BRINP3: variants seen among roughly 807,000 people sequenced by gnomAD.
BRINP3 encodes BMP/retinoic acid-inducible neural-specific protein 3.
BRINP3 carries 19 observed loss-of-function variants against 71.0 expected under a neutral mutation model. The ratio of observed to expected loss-of-function variants is 0.27; its 90% CI spans 0.19 to 0.39. BRINP3 has a LOEUF of 0.39. Among genes scored for constraint, BRINP3 ranks in the 10% least tolerant of loss-of-function variants. BRINP3 has a pLI of 1.00. For missense variants in BRINP3, 959 were observed against 940.8 expected, an observed-to-expected ratio of 1.02 and a Z score of -0.25; for synonymous variants, 380 against 337.7, an observed-to-expected ratio of 1.13 and a Z score of -1.37.
At chr1:190,457,846 C>T (rs563077297) in intron 1 of BRINP3, among the ~76,000 whole-genome samples, 1 of 151,700 alleles carries the variant, frequency 6.6e-6, no homozygotes. Context: ...AGGTGAATTA[C>T]CCAGAACCAC....
chr1:190,202,804 TCCCCAGCCATG>T (rs1655123305), intron 6 of BRINP3, among the ~76,000 whole-genome samples: 2 of 152,102 alleles, frequency 1.3e-5, no homozygotes, highest in Non-Finnish European at 2.9e-5. Flanking sequence ...TTGTGAGGCC[TCCCCAGCCATG>T]TAGAACTGTA....
At chr1:190,190,129 T>C (rs1160572452) in intron 6 of BRINP3, among the ~76,000 whole-genome samples, 2 of 152,152 alleles carry the variant, frequency 1.3e-5, no homozygotes, top group African/African-American at 2.4e-5. Context: ...GCCTTCATCC[T>C]GGGATTATTT....
intron 7 of BRINP3, among the ~76,000 whole-genome samples, chr1:190,140,424 A>G (rs956710432): frequency 1.3e-5 from 2 of 152,058 alleles, no homozygotes; most frequent in African/African-American, 4.8e-5. Context: ...TGAAAACATA[A>G]TTTACCTGAT....
chr1:190,375,488 G>C (rs761741400), intron 2 of BRINP3, among the ~76,000 whole-genome samples: 3 of 151,706 alleles, frequency 2.0e-5, no homozygotes, highest in Non-Finnish European at 3.0e-5. Flanking sequence ...AAAGCAAAAG[G>C]CATAACAAAC....
At chr1:190,241,964 T>G in intron 4 of BRINP3, among the ~76,000 whole-genome samples, 1 of 151,712 alleles carries the variant, frequency 6.6e-6, no homozygotes, top group East Asian at 1.9e-4. Flanking sequence ...AAGGTAATTT[T>G]ACCATTTAAT....
intron 7 of BRINP3, among the ~76,000 whole-genome samples, chr1:190,110,247 T>C (rs1478818328): frequency 6.6e-6 from 1 of 152,130 alleles, no homozygotes; most frequent in Non-Finnish European, 1.5e-5. Flanking sequence ...ACAGTCTGTC[T>C]AGGAAAATGA....
At chr1:190,281,961 T>C (rs1663074157) in intron 2 of BRINP3, among the ~76,000 whole-genome samples, 1 of 151,374 alleles carries the variant, frequency 6.6e-6, no homozygotes, top group African/African-American at 2.4e-5. Flanking sequence ...ATAAGCCACC[T>C]AAAGTGTACA....
At chr1:190,147,129 CA>C (rs1655958351) in intron 7 of BRINP3, among the ~76,000 whole-genome samples, 1 of 151,946 alleles carries the variant, frequency 6.6e-6, no homozygotes, top group Non-Finnish European at 1.5e-5. Flanking sequence ...TCTTTAAGTA[CA>C]TTTTTTCAGT....
chr1:190,319,596 T>C (rs1373762578), intron 2 of BRINP3, among the ~76,000 whole-genome samples: 1 of 152,006 alleles, frequency 6.6e-6, no homozygotes, highest in Non-Finnish European at 1.5e-5. Context: ...CAAATCATGG[T>C]GGAAGGCAAA....
rs566031583 is a variant in BRINP3 at position 190,362,465 on chromosome 1, G to T, written c.237-80715C>A. ...AGGAGCAAAATGTTAGGAATTTCTTGTCAGAAGAAATAATGTAAGCAAAAG... is the reference window on the plus strand; with the variant it reads ...AGGAGCAAAATGTTAGGAATTTCTTTTCAGAAGAAATAATGTAAGCAAAAG... On this transcript the variant is annotated intron_variant, in intron 2 of 7. Coordinates refer to ENST00000367462, the MANE Select transcript of BRINP3 (RefSeq NM_199051.3). Among the ~76,000 whole-genome samples the T allele has an allele frequency of 3.3e-5, 5 of 152,248 alleles. No homozygotes were observed. In the South Asian group the frequency reaches 1.0e-3, roughly 32 times the overall value.
At chr1:190,430,977 G>C (rs1421173903) in intron 2 of BRINP3, among the ~76,000 whole-genome samples, 1 of 151,812 alleles carries the variant, frequency 6.6e-6, no homozygotes, top group Non-Finnish European at 1.5e-5. Context: ...TACTCATCAA[G>C]CTTATTGTTG....
In BRINP3 at chr1:190,447,620, C is replaced by CTA. The variant is rs1314469280; in HGVS notation, c.236+7034_236+7035insTA. Among the ~76,000 whole-genome samples, 94 of 146,126 alleles carry CTA rather than the reference C, an allele frequency of 6.4e-4. 2 individuals are homozygous for CTA. The highest frequency in any genetic ancestry group is 2.0e-3 in the African/African-American group (82 of 40,030). ...TCCCTATAGCTCTCTCTCTCTCTCTCTCTATATATATATACTACATATAGA... is the reference window on the plus strand; with the variant it reads ...TCCCTATAGCTCTCTCTCTCTCTCTCTATCTATATATATATACTACATATAGA... On this transcript the variant is annotated intron_variant, in intron 2 of 7. Transcript: ENST00000367462.
rs1657295274 is a variant in BRINP3 at position 190,160,876 on chromosome 1, A to G, written c.976T>C (p.Phe326Leu). The change falls in exon 7 of 8, where the codon TTT becomes CTT. Residue 326 changes from phenylalanine to leucine, a missense_variant. Coordinates refer to ENST00000367462, the MANE Select transcript of BRINP3 (RefSeq NM_199051.3). ...DFEESDEFKL[F>L]MKRLPMNYFL... The stretch of plus-strand genomic sequence containing the variant: ...TAATTCATAGGTAGCCTTTTCATAA[A>G]TAACTTGAATTCATCTGAAAAATGT... The G allele has an allele frequency of 1.3e-6, 2 of 1,596,072 alleles. No individual in the cohort carries two copies. The highest frequency in any genetic ancestry group is 1.3e-5 in the African/African-American group (1 of 74,252).
intron 7 of BRINP3, among the ~76,000 whole-genome samples, chr1:190,117,917 A>G (rs1653286855): frequency 6.6e-6 from 1 of 152,086 alleles, no homozygotes; most frequent in Non-Finnish European, 1.5e-5. Context: ...TTTATAAAAT[A>G]GCTCACATTT....
intron 4 of BRINP3, among the ~76,000 whole-genome samples, chr1:190,257,411 C>T (rs1303691744): frequency 1.3e-5 from 2 of 152,086 alleles, no homozygotes; most frequent in Non-Finnish European, 2.9e-5. Context: ...AATTTTTTAG[C>T]TTCCTTGCGA....
chr1:190,447,959 C>T (rs1475288793), intron 2 of BRINP3, among the ~76,000 whole-genome samples: 3 of 151,538 alleles, frequency 2.0e-5, no homozygotes, highest in Admixed American at 6.6e-5. Context: ...ATACCTCAAA[C>T]GTTTAGGTGG....
rs1222291505 is a variant in BRINP3, at chr1:190,165,443, G to GTTTTTTT, written c.962-4560_962-4554dup. ...GCAAGTATGCTCTGTTTCATTGGCT[G>GTTTTTTT]TTTTTTTTTTTTTTTTTTGTGTGTG... On this transcript the variant is annotated intron_variant, in intron 6 of 7. Transcript: ENST00000367462. Among the ~76,000 whole-genome samples the GTTTTTTT allele has an allele frequency of 2.3e-3, 108 of 46,594 alleles. 21 individuals carry two copies. Among genetic ancestry groups the GTTTTTTT allele is most frequent in the South Asian group, 0.011 (13 of 1,186 alleles). The allele number at this position is 46,594 out of a possible 152,430, so 30.6% of individuals were successfully genotyped here.
intron 7 of BRINP3, among the ~76,000 whole-genome samples, chr1:190,099,693 G>A (rs1651525704): frequency 6.6e-6 from 1 of 152,104 alleles, no homozygotes; most frequent in Non-Finnish European, 1.5e-5. Context: ...TTAGATGCTA[G>A]GGTTGTCATC....
intron 2 of BRINP3, among the ~76,000 whole-genome samples, chr1:190,302,258 TA>T (rs917686727): frequency 1.3e-4 from 19 of 147,582 alleles, no homozygotes; most frequent in African/African-American, 3.4e-4. Flanking sequence ...TTTATATATA[TA>T]TTTTATATAT....
Sources: gnomAD v4.1 joint callset for allele counts (sites outside exome capture counted in the v4.1 genomes callset) on GRCh38, gnomAD v4.1.1 for gene constraint, MANE v1.5 for transcripts, NCBI Gene and HGNC (gene_info 2026-07-23, HGNC 2026-07-21) for gene names.